Variants in ZNF385D observed in about 807,000 individuals in gnomAD.
The protein encoded by ZNF385D is zinc finger protein 659.
In ZNF385D, 15 loss-of-function variants were observed where a neutral mutation model predicts 35.8. The observed-to-expected ratio is 0.42, with a 90% CI of 0.28 to 0.64. The LOEUF (loss-of-function observed/expected upper bound fraction) is 0.64, where lower values mean the gene tolerates loss of function less well. Among genes scored for constraint, ZNF385D ranks in the 30% least tolerant of loss-of-function variants. The pLI is 0.23. For missense variants in ZNF385D, 474 were observed against 494.6 expected, an observed-to-expected ratio of 0.96 and a Z score of 0.39; for synonymous variants, 212 against 186.8, an observed-to-expected ratio of 1.13 and a Z score of -1.10.
intron 3 of ZNF385D, among the ~76,000 whole-genome samples, chr3:21,770,563 G>A (rs985530558): frequency 7.2e-5 from 11 of 152,132 alleles, no homozygotes; most frequent in African/African-American, 2.7e-4. Flanking sequence ...CAGTTAGAAT[G>A]GCGATCATTA....
intron 4 of ZNF385D, among the ~76,000 whole-genome samples, chr3:21,439,433 C>T (rs1000042284): frequency 4.6e-5 from 7 of 151,780 alleles, no homozygotes; most frequent in African/African-American, 1.7e-4. Flanking sequence ...GAGTGATAAC[C>T]GTAAATACAG....
At chr3:21,584,081 C>T (rs1048969284) in intron 2 of ZNF385D, among the ~76,000 whole-genome samples, 1 of 151,918 alleles carries the variant, frequency 6.6e-6, no homozygotes, top group African/African-American at 2.4e-5. Context: ...TCAAGCTATT[C>T]TCCTGCCTCA....
intron 3 of ZNF385D, among the ~76,000 whole-genome samples, chr3:22,152,424 A>C (rs779292820): frequency 3.9e-5 from 6 of 152,182 alleles, no homozygotes; most frequent in Non-Finnish European, 5.9e-5. Context: ...CAAATTTATC[A>C]TACAGTTCTG....
At chr3:21,991,970 C>T (rs1695178187) in intron 3 of ZNF385D, among the ~76,000 whole-genome samples, 1 of 152,132 alleles carries the variant, frequency 6.6e-6, no homozygotes, top group Admixed American at 6.5e-5. Context: ...TAAATCTTGG[C>T]TTATCTACTA....
chr3:21,857,536 G>A (rs1012689364), intron 3 of ZNF385D, among the ~76,000 whole-genome samples: 8 of 151,896 alleles, frequency 5.3e-5, no homozygotes, highest in African/African-American at 1.9e-4. Context: ...GCAACCACGG[G>A]GCCTCATAAT....
chr3:21,865,332 T>C (rs895080766), intron 3 of ZNF385D, among the ~76,000 whole-genome samples: 1 of 152,008 alleles, frequency 6.6e-6, no homozygotes, highest in Non-Finnish European at 1.5e-5. Flanking sequence ...TTGTGACTTA[T>C]TGGATACAGG....
intron 3 of ZNF385D, among the ~76,000 whole-genome samples, chr3:21,847,536 T>C (rs1452607226): frequency 1.3e-5 from 2 of 152,040 alleles, no homozygotes; most frequent in Admixed American, 6.6e-5. Flanking sequence ...TTTAGATTAC[T>C]AAAAAAGAGG....
At chr3:21,715,594 T>G (rs2068286251) in intron 1 of ZNF385D, among the ~76,000 whole-genome samples, 1 of 152,130 alleles carries the variant, frequency 6.6e-6, no homozygotes, top group South Asian at 2.1e-4. Flanking sequence ...TATATTGATT[T>G]TTTTTTCCTT....
At chr3:21,843,846 C>T (rs1695831210) in intron 3 of ZNF385D, among the ~76,000 whole-genome samples, 1 of 151,920 alleles carries the variant, frequency 6.6e-6, no homozygotes, top group Admixed American at 6.6e-5. Flanking sequence ...GAGGGGAGAA[C>T]ATTTCATTCT....
chr3:22,343,262 T>TAAACA (rs1695504067), intron 2 of ZNF385D, among the ~76,000 whole-genome samples: 1 of 152,328 alleles, frequency 6.6e-6, no homozygotes, highest in South Asian at 2.1e-4. Context: ...AATCACTCAC[T>TAAACA]AAACAAAACA....
At chr3:22,264,572 GT>G (rs1239498619) in intron 2 of ZNF385D, among the ~76,000 whole-genome samples, 2 of 152,066 alleles carry the variant, frequency 1.3e-5, no homozygotes, top group Admixed American at 6.6e-5. Context: ...TTTAAATTGA[GT>G]TTTTCACTTC....
At chr3:21,819,034 A>C (rs956891043) in intron 3 of ZNF385D, among the ~76,000 whole-genome samples, 2 of 152,032 alleles carry the variant, frequency 1.3e-5, no homozygotes, top group African/African-American at 4.8e-5. Flanking sequence ...AATTGACAGA[A>C]AAGTGTTCTT....
At position 21,612,834 on chromosome 3, in the gene ZNF385D, G is replaced by A. The variant is rs117110514; in HGVS notation, c.166-48150C>T. ...CTTTGCTCTTTTTTTTCACAAAGCA[G>A]TTGCTGAGATCAAATTAATTCACAT... is the stretch of plus-strand genomic sequence containing the variant. On this transcript the variant is annotated intron_variant, in intron 2 of 7. Coordinates refer to ENST00000281523, the MANE Select transcript of ZNF385D (RefSeq NM_024697.3). Among the ~76,000 whole-genome samples the A allele has an allele frequency of 4.7e-4, 72 of 152,048 alleles. 1 individual carries two copies. The East Asian group carries it at 0.013, about 27-fold the overall frequency.
intron 2 of ZNF385D, among the ~76,000 whole-genome samples, chr3:22,333,960 C>T (rs1426562906): frequency 1.3e-5 from 2 of 152,196 alleles, no homozygotes; most frequent in African/African-American, 4.8e-5. Context: ...CATACATTCT[C>T]TTCAGAATGT....
chr3:21,827,778 G>A (rs745530382), intron 3 of ZNF385D, among the ~76,000 whole-genome samples: 21 of 152,310 alleles, frequency 1.4e-4, no homozygotes, highest in East Asian at 1.3e-3. Context: ...CAAAATGTGC[G>A]TGACATTTGG....
chr3:22,177,406 A>G (rs1411047896), intron 2 of ZNF385D, among the ~76,000 whole-genome samples: 3 of 152,170 alleles, frequency 2.0e-5, no homozygotes, highest in Non-Finnish European at 4.4e-5. Flanking sequence ...TATGCCAAGA[A>G]AAAAAGTAGG....
intron 3 of ZNF385D, among the ~76,000 whole-genome samples, chr3:22,038,196 A>G (rs906976275): frequency 6.6e-6 from 1 of 152,188 alleles, no homozygotes; most frequent in African/African-American, 2.4e-5. Context: ...CAAGATGAAT[A>G]ATGACACATG....
intron 4 of ZNF385D, among the ~76,000 whole-genome samples, chr3:21,475,843 TC>T (rs1194666923): frequency 6.6e-6 from 1 of 152,024 alleles, no homozygotes; most frequent in Non-Finnish European, 1.5e-5. Context: ...TGAAGGAAAA[TC>T]TTTTTTTTTT....
At chr3:21,902,416 T>C (rs549143110) in intron 3 of ZNF385D, among the ~76,000 whole-genome samples, 4 of 152,312 alleles carry the variant, frequency 2.6e-5, no homozygotes, top group Admixed American at 6.5e-5. Context: ...AGAGGGATGA[T>C]GTGACTTTGC....
Sources: gnomAD v4.1 joint callset for allele counts (sites outside exome capture counted in the v4.1 genomes callset) on GRCh38, gnomAD v4.1.1 for gene constraint, MANE v1.5 for transcripts, NCBI Gene and HGNC (gene_info 2026-07-23, HGNC 2026-07-21) for gene names.